The following PRRT1 variants were observed in gnomAD, a reference collection of about 807,000 sequenced individuals.
PRRT1 encodes proline rich transmembrane protein 1.
Under a neutral mutation model 22.6 loss-of-function variants are expected in PRRT1, and 8 were observed. That is an observed-to-expected ratio of 0.35 (90% CI 0.21 to 0.64). The LOEUF is 0.64. PRRT1 is among the 30% of genes least tolerant of loss of function. The pLI is 0.69. For synonymous variants in PRRT1, 176 were observed against 203.6 expected (o/e 0.86, Z 1.15); for missense variants, 315 against 444.5 (o/e 0.71, Z 2.62).
Position 32,149,186 on chromosome 6 carries a change from C to T in PRRT1, c.*36G>A, listed in dbSNP as rs1358529622. ...TGACTGCAGAAAGAGCCTGGGAGAT[C>T]GAGGGGCGCAGAGTGGGGCCGGACC... On this transcript the variant is annotated 3_prime_UTR_variant, in exon 4 of 4. Transcript: ENST00000211413. The surrounding 1 kb of genome is among the most constrained non-coding windows in gnomAD (Gnocchi z 8.7). 1 of 1,605,260 alleles carries T rather than the reference C, an allele frequency of 6.2e-7. No individual in the cohort carries two copies. The highest frequency in any genetic ancestry group is 8.5e-7 in the Non-Finnish European group (1 of 1,176,294).
intron 1 of PRRT1, 146 bp from the exon 2 acceptor site, chr6:32,151,052 T>A: frequency 1.3e-6 from 1 of 765,604 alleles, no homozygotes; most frequent in Non-Finnish European, 2.3e-6. Flanking sequence ...AAACCATCTC[T>A]AATTTGAGGG....
chr6:32,150,782 G>A lies in PRRT1; in HGVS notation c.144C>T (p.Tyr48=), dbSNP rs1303059016. Residue 48 remains tyrosine, a synonymous_variant, in exon 2 of 4, where the codon TAC becomes TAT. Transcript: ENST00000211413. This position sits in a 1 kb window ranked among gnomAD's most constrained non-coding sequence, Gnocchi z 7.2. The stretch of plus-strand genomic sequence containing the variant: ...GGAGGGTGGCGGTGCCAGACTGATG[G>A]TAGTGGTGGTGGTGGTGATGGTGTG... The part of the protein sequence containing the change: ...PSSHHHHHHH[Y]HQSGTATLPR... 1 of 1,562,640 alleles carries A rather than the reference G, an allele frequency of 6.4e-7. No individual in the cohort carries two copies. Among genetic ancestry groups the A allele is most frequent in the South Asian group, 1.2e-5 (1 of 84,538 alleles).
At chr6:32,151,510 G>A in intron 1 of PRRT1, 1 of 538,912 alleles carries the variant, frequency 1.9e-6, no homozygotes, top group Non-Finnish European at 3.3e-6. Context: ...GCCAGTGATT[G>A]TCCATCTGTC....
chr6:32,149,827 TGGC>T lies in PRRT1; in HGVS notation c.559-108_559-106del. 2 of 690,580 alleles carry T rather than the reference TGGC, an allele frequency of 2.9e-6. No homozygotes were observed. Among genetic ancestry groups the T allele is most frequent in the Non-Finnish European group, 4.8e-6 (2 of 420,656 alleles). The allele number at this position is 690,580 out of a possible 1,614,324, so 42.8% of individuals were successfully genotyped here. On this transcript the variant is annotated intron_variant, in intron 2 of 3. Coordinates refer to ENST00000211413, the MANE Select transcript of PRRT1 (RefSeq NM_030651.4). This position sits in a 1 kb window ranked among gnomAD's most constrained non-coding sequence, Gnocchi z 8.7. ...GCTTTAAAAGCACAATTTTTACCTA[TGGC>T]TTCTCAAAATAAAGCACCCATTACC...
rs1783308188 is a variant in PRRT1 at position 32,151,840 on chromosome 6, G to C, written c.-13C>G. 5.6e-6 allele frequency: 9 copies of C among 1,610,070 alleles called. No homozygotes were observed. Among genetic ancestry groups the C allele is most frequent in the Non-Finnish European group, 7.6e-6 (9 of 1,178,876 alleles). ...TTTCGGATGACATGCCTGCGGTCTCGCTGGGACAGGGTCCCTGCAGCCGGA... is the reference window on the plus strand; with the variant it reads ...TTTCGGATGACATGCCTGCGGTCTCCCTGGGACAGGGTCCCTGCAGCCGGA... On this transcript the variant is annotated 5_prime_UTR_variant, in exon 1 of 4. Coordinates refer to ENST00000211413, the MANE Select transcript of PRRT1 (RefSeq NM_030651.4).
chr6:32,150,633 G>A lies in PRRT1; in HGVS notation c.293C>T (p.Pro98Leu). The A allele has an allele frequency of 7.1e-7, 1 of 1,417,210 alleles. No homozygotes were observed. The highest frequency in any genetic ancestry group is 1.5e-5 in the African/African-American group (1 of 67,466). 87.8% of individuals were successfully genotyped at this position (1,417,210 alleles called of 1,614,324 possible). Residue 98 changes from proline (P) to leucine (L), a missense_variant, in exon 2 of 4, where the codon CCA (proline) becomes CTA (leucine). Physicochemically the swap from Pro to Leu is moderately conservative, Grantham distance 98 (BLOSUM62 -3). Around this residue, in one of 4 missense-constraint regions of PRRT1, gnomAD observed 263 missense variants for 328.5 expected, o/e 0.80. Transcript: ENST00000211413. This position sits in a 1 kb window ranked among gnomAD's most constrained non-coding sequence, Gnocchi z 7.2. ...APPGPAAGAP[P>L]PGCATLPRMP... ...GCGGGGCAAGGTAGCGCAGCCGGGT[G>A]GGGGTGCCCCGGCAGCAGGGCCGGG...
At position 32,151,904 on chromosome 6, in the gene PRRT1, A is replaced by G. The variant is rs1783315292; in HGVS notation, c.-77T>C. The G allele has an allele frequency of 2.7e-6, 3 of 1,107,330 alleles. No individual in the cohort carries two copies. Among genetic ancestry groups the G allele is most frequent in the African/African-American group, 3.3e-5 (2 of 60,876 alleles). The allele number at this position is 1,107,330 out of a possible 1,614,324, so 68.6% of individuals were successfully genotyped here. The stretch of plus-strand genomic sequence containing the variant: ...GCCGGTGCTGGAGTCTGGGTGCTGG[A>G]TGGCGCAGCCGGCAGCAGCGCAGAG... On this transcript the variant is annotated 5_prime_UTR_variant, in exon 1 of 4. Coordinates refer to ENST00000211413, the MANE Select transcript of PRRT1 (RefSeq NM_030651.4).
chr6:32,150,285 C>A lies in PRRT1; in HGVS notation c.558+83G>T. 6.8e-7 allele frequency: 1 copy of A among 1,476,030 alleles called. No homozygotes were observed. Among genetic ancestry groups the A allele is most frequent in the East Asian group, 2.7e-5 (1 of 36,780 alleles). 91.4% of individuals were successfully genotyped at this position (1,476,030 alleles called of 1,614,324 possible). A position where few individuals can be genotyped will look rare whatever the true frequency, so the allele number is the denominator to read the frequency against. On this transcript the variant is annotated intron_variant, in intron 2 of 3. Transcript: ENST00000211413. The surrounding 1 kb of genome is among the most constrained non-coding windows in gnomAD (Gnocchi z 7.2). The stretch of plus-strand genomic sequence containing the variant: ...TGTTCCCTGCCCTTGTTCCTCTATC[C>A]TACCAGCCCCCAGCGTATCCCCAAT...
In PRRT1 at chr6:32,150,708, C is replaced by T; in HGVS notation, c.218G>A (p.Arg73His). 2 of 1,471,008 alleles carry T rather than the reference C, an allele frequency of 1.4e-6. No individual in the cohort carries two copies. The highest frequency in any genetic ancestry group is 2.4e-5 in the East Asian group (1 of 40,930). The allele number at this position is 1,471,008 out of a possible 1,614,324, so 91.1% of individuals were successfully genotyped here. The change falls in exon 2 of 4, where the codon CGC becomes CAC. Residue 73 changes from arginine (R) to histidine (H), a missense_variant. Arg to His is a conservative substitution (Grantham distance 29). Coordinates refer to ENST00000211413, the MANE Select transcript of PRRT1 (RefSeq NM_030651.4). This position sits in a 1 kb window ranked among gnomAD's most constrained non-coding sequence, Gnocchi z 7.2. ...CAGCGTGGCAGAGGAGGAGGGACCGCGCTGAGCGGTGGCCGCGGAAGAGGC... is the reference window on the plus strand; with the variant it reads ...CAGCGTGGCAGAGGAGGAGGGACCGTGCTGAGCGGTGGCCGCGGAAGAGGC... ...GLASSAATAQ[R>H]GPSSSATLPR...
At position 32,150,784 on chromosome 6, in the gene PRRT1, A is replaced by AGTGGTG; in HGVS notation, c.136_141dup (p.His46_His47dup). ...AGGGTGGCGGTGCCAGACTGATGGT[A>AGTGGTG]GTGGTGGTGGTGGTGATGGTGTGAG... On this transcript the variant is annotated inframe_insertion, in exon 2 of 4. Transcript: ENST00000211413. The surrounding 1 kb of genome is among the most constrained non-coding windows in gnomAD (Gnocchi z 7.2). 1 of 1,560,822 alleles carries AGTGGTG rather than the reference A, an allele frequency of 6.4e-7. No homozygotes were observed. Among genetic ancestry groups the AGTGGTG allele is most frequent in the Non-Finnish European group, 8.7e-7 (1 of 1,153,774 alleles).
upstream of PRRT1, chr6:32,151,980 A>AGGG: frequency 1.0e-4 from 8 of 78,248 alleles, no homozygotes; most frequent in South Asian, 2.1e-4. Context: ...GGGCGGGCGG[A>AGGG]GGGAGAGCGG....
chr6:32,149,868 C>T lies in PRRT1; in HGVS notation c.559-146G>A, dbSNP rs1783163469. The T allele has an allele frequency of 1.7e-6, 1 of 596,660 alleles. No individual in the cohort carries two copies. Among genetic ancestry groups the T allele is most frequent in the Non-Finnish European group, 2.9e-6 (1 of 339,748 alleles). 37.0% of individuals were successfully genotyped at this position (596,660 alleles called of 1,614,324 possible). A position where few individuals can be genotyped will look rare whatever the true frequency, so the allele number is the denominator to read the frequency against. On this transcript the variant is annotated intron_variant, in intron 2 of 3. Transcript: ENST00000211413. This position sits in a 1 kb window ranked among gnomAD's most constrained non-coding sequence, Gnocchi z 8.7. ...AGCACCCATTACCCTTCCAGGACAC[C>T]CATAAATTCCACCTAAGCCCCTCTC...
In PRRT1 at chr6:32,149,523, C is replaced by T. The variant is rs1327323313; in HGVS notation, c.744+14G>A. The T allele has an allele frequency of 1.9e-6, 3 of 1,612,548 alleles. No homozygotes were observed. The highest frequency in any genetic ancestry group is 1.3e-5 in the African/African-American group (1 of 74,928). ...TGTCCCCGCCCCCAAACCGAGTATG[C>T]CCCTGCCCCCTACCTGCACGGCCTT... is the stretch of plus-strand genomic sequence containing the variant. On this transcript the variant is annotated intron_variant, in intron 3 of 3. Transcript: ENST00000211413. The surrounding 1 kb of genome is among the most constrained non-coding windows in gnomAD (Gnocchi z 8.7).
chr6:32,150,802 G>A lies in PRRT1; in HGVS notation c.124C>T (p.His42Tyr). Residue 42 changes from histidine to tyrosine, a missense_variant, in exon 2 of 4, where the codon CAT becomes TAT. Around this residue, in one of 4 missense-constraint regions of PRRT1, gnomAD observed 263 missense variants for 328.5 expected, o/e 0.80. Coordinates refer to ENST00000211413, the MANE Select transcript of PRRT1 (RefSeq NM_030651.4). The surrounding 1 kb of genome is among the most constrained non-coding windows in gnomAD (Gnocchi z 7.2). ...PPPQAAPSSH[H>Y]HHHHHYHQSG... ...TGATGGTAGTGGTGGTGGTGGTGAT[G>A]GTGTGAGGAAGGGGCTGCCTGTGGC... The A allele has an allele frequency of 6.4e-7, 1 of 1,570,844 alleles. No individual in the cohort carries two copies. The highest frequency in any genetic ancestry group is 2.3e-5 in the East Asian group (1 of 43,886).
chr6:32,152,147 G>A (rs1783358808), upstream of PRRT1: 1 of 679,584 alleles, frequency 1.5e-6, no homozygotes, highest in Admixed American at 2.0e-5. Context: ...ATGGAAACAC[G>A]GAGGCTAGAC....
At chr6:32,151,980 A>AGGGGGGGGGGGGGGGGGGGG, upstream of PRRT1, 4 of 78,288 alleles carry the variant, frequency 5.1e-5, no homozygotes, top group South Asian at 5.2e-5. Flanking sequence ...GGGCGGGCGG[A>AGGGGGGGGGGGGGGGGGGGG]GGGAGAGCGG....
Position 32,150,372 on chromosome 6 carries a change from C to T in PRRT1, c.554G>A (p.Gly185Asp). ...CTAYVPVYPV[G>D]TPYAGGTPGG... ...CCCTGTCTGCCCGGCACTCACCGTGCCCACCGGGTAGACCGGCACGTAAGC... is the reference window on the plus strand; with the variant it reads ...CCCTGTCTGCCCGGCACTCACCGTGTCCACCGGGTAGACCGGCACGTAAGC... The change falls in exon 2 of 4, where the codon GGC (glycine) becomes GAC (aspartate). Residue 185 changes from glycine to aspartate, a missense_variant. This residue lies in a region of PRRT1 where 263 missense variants were observed against 328.5 expected (regional missense o/e 0.80). Coordinates refer to ENST00000211413, the MANE Select transcript of PRRT1 (RefSeq NM_030651.4). This position sits in a 1 kb window ranked among gnomAD's most constrained non-coding sequence, Gnocchi z 7.2. 3 of 1,556,248 alleles carry T rather than the reference C, an allele frequency of 1.9e-6. No individual in the cohort carries two copies. The highest frequency in any genetic ancestry group is 2.6e-6 in the Non-Finnish European group (3 of 1,158,228).
chr6:32,151,265 G>A, intron 1 of PRRT1: 3 of 538,574 alleles, frequency 5.6e-6, no homozygotes, highest in East Asian at 3.4e-5. Flanking sequence ...GTGCGTATGC[G>A]TAGACATGCA....
chr6:32,151,665 G>A (rs1209429113), intron 1 of PRRT1, 144 bp downstream of exon 1: 9 of 626,120 alleles, frequency 1.4e-5, no homozygotes, highest in Non-Finnish European at 2.0e-5. Flanking sequence ...AAAGAGGAGG[G>A]GGACTGGGGG....
Sources: gnomAD v4.1 joint callset for allele counts on GRCh38, gnomAD v4.1.1 for gene constraint, gnomAD v4.1.1 regional missense constraint, Gnocchi (gnomAD v3.1) non-coding constraint, MANE v1.5 for transcripts, NCBI Gene and HGNC (gene_info 2026-07-23, HGNC 2026-07-21) for gene names.